The following PCDHGB3 variants were observed in gnomAD, a reference collection of about 807,000 sequenced individuals.
PCDHGB3 encodes protocadherin gamma subfamily B, 3.
A neutral mutation model predicts 59.2 loss-of-function variants in PCDHGB3; 40 were observed. The ratio of observed to expected loss-of-function variants is 0.68; its 90% CI spans 0.52 to 0.88. The LOEUF (loss-of-function observed/expected upper bound fraction) is 0.88. PCDHGB3 is among the 40% of genes least tolerant of loss of function. The pLI, the probability that PCDHGB3 is intolerant of heterozygous loss-of-function variation, is 0.00. For synonymous variants in PCDHGB3, 581 were observed against 503.6 expected, an observed-to-expected ratio of 1.15 and a Z score of -2.06; for missense variants, 1,309 against 1,187.9, an observed-to-expected ratio of 1.10 and a Z score of -1.50.
chr5:141,444,377 G>A (rs1035830834), intron 1 of PCDHGB3, among the ~76,000 whole-genome samples: 3 of 151,802 alleles, frequency 2.0e-5, no homozygotes, highest in Non-Finnish European at 4.4e-5. Context: ...CTCCATGTTG[G>A]TCAGGCTAGT....
At position 141,431,413 on chromosome 5, in the gene PCDHGB3, C is replaced by A; in HGVS notation, c.2415+58604C>A. ...TGGTCCTTACGGCCTCCGACGGGGG[C>A]GACCCGGTGCGCACAGGCACCGCGC... On this transcript the variant is annotated intron_variant, in intron 1 of 3. Transcript: ENST00000576222. This position sits in a 1 kb window ranked among gnomAD's most constrained non-coding sequence, Gnocchi z 4.8. The A allele has an allele frequency of 6.2e-7, 1 of 1,613,682 alleles. No homozygotes were observed. Among genetic ancestry groups the A allele is most frequent in the Non-Finnish European group, 8.5e-7 (1 of 1,180,044 alleles).
At chr5:141,415,352 C>T in intron 1 of PCDHGB3, 1 of 1,614,228 alleles carries the variant, frequency 6.2e-7, no homozygotes, top group Non-Finnish European at 8.5e-7. Context: ...TGGCACAAGT[C>T]ACGCCTGCTG....
At chr5:141,478,838 T>C (rs1439577444) in intron 1 of PCDHGB3, 1 of 1,426,484 alleles carries the variant, frequency 7.0e-7, no homozygotes, top group Non-Finnish European at 9.2e-7. Flanking sequence ...TAAGGGATGG[T>C]TAAGCTAAAA....
In PCDHGB3 at chr5:141,385,618, A is replaced by C. The variant is rs1174442072; in HGVS notation, c.2415+12809A>C. 7.5e-6 allele frequency: 8 copies of C among 1,062,366 alleles called. No individual in the cohort carries two copies. The East Asian group carries it at 3.6e-4, about 48-fold the overall frequency. The allele number at this position is 1,062,366 out of a possible 1,614,324, so 65.8% of individuals were successfully genotyped here. A position where few individuals can be genotyped will look rare whatever the true frequency, so the allele number is the denominator to read the frequency against. On this transcript the variant is annotated intron_variant, in intron 1 of 3. Coordinates refer to ENST00000576222, the MANE Select transcript of PCDHGB3 (RefSeq NM_018924.5). ...CTTTCTTAACTCATATATTTTATAC[A>C]TTGGAATGAATCGAGTCTTTCATAT...
At chr5:141,422,229 G>C in intron 1 of PCDHGB3, 4 of 1,565,880 alleles carry the variant, frequency 2.6e-6, no homozygotes, top group Non-Finnish European at 3.4e-6. Flanking sequence ...CCACGACGAT[G>C]TTGATCACTG....
At chr5:141,443,137 A>G (rs1202995621) in intron 1 of PCDHGB3, among the ~76,000 whole-genome samples, 1 of 152,174 alleles carries the variant, frequency 6.6e-6, no homozygotes, top group Non-Finnish European at 1.5e-5. Flanking sequence ...GAACACTATC[A>G]TAAGTTATAC....
chr5:141,383,346 G>A, intron 1 of PCDHGB3: 3 of 1,614,018 alleles, frequency 1.9e-6, no homozygotes, highest in Non-Finnish European at 2.5e-6. Context: ...CAGCTCCTGG[G>A]GTTCGGTTTC....
intron 1 of PCDHGB3, chr5:141,426,765 G>A (rs1343961009): frequency 1.8e-5 from 8 of 456,530 alleles, no homozygotes; most frequent in Non-Finnish European, 3.5e-5. Flanking sequence ...AGATGCAGAT[G>A]TAGGGCCTCA....
intron 1 of PCDHGB3, chr5:141,379,270 GATTT>G (rs1013953164): frequency 5.3e-5 from 8 of 152,170 alleles, no homozygotes; most frequent in African/African-American, 7.2e-5. Context: ...AATTGTTATA[GATTT>G]ATTTATTTCA....
intron 1 of PCDHGB3, chr5:141,421,393 G>A: frequency 6.2e-7 from 1 of 1,614,038 alleles, no homozygotes; most frequent in Non-Finnish European, 8.5e-7. Flanking sequence ...CCTGGGGCTG[G>A]AGCCCCGGGA....
At chr5:141,405,020 A>G in intron 1 of PCDHGB3, 1 of 1,613,342 alleles carries the variant, frequency 6.2e-7, no homozygotes, top group Non-Finnish European at 8.5e-7. Context: ...CTCAGACCTT[A>G]CCCTCTACCT....
chr5:141,377,221 G>GT (rs1773788570), intron 1 of PCDHGB3: 1 of 152,014 alleles, frequency 6.6e-6, no homozygotes, highest in South Asian at 2.1e-4. Context: ...CGTTTCTTAG[G>GT]TTTTTTCCTA....
intron 1 of PCDHGB3, chr5:141,396,605 G>A (rs2093403616): frequency 6.6e-6 from 1 of 151,594 alleles, no homozygotes; most frequent in Non-Finnish European, 1.5e-5. Flanking sequence ...GGGCAACAGG[G>A]TGAGACTCCG....
At chr5:141,500,782 T>G (rs2099802612) in intron 2 of PCDHGB3, among the ~76,000 whole-genome samples, 2 of 152,222 alleles carry the variant, frequency 1.3e-5, no homozygotes, top group Admixed American at 1.3e-4. Context: ...ATATACATAT[T>G]ATTTTACAGA....
At chr5:141,383,303 C>T (rs1445366017) in intron 1 of PCDHGB3, 4 of 1,613,892 alleles carry the variant, frequency 2.5e-6, no homozygotes. Flanking sequence ...AGATTCTTGA[C>T]GGAAGAAATA....
At chr5:141,453,780 C>T (rs1330142662) in intron 1 of PCDHGB3, among the ~76,000 whole-genome samples, 3 of 152,090 alleles carry the variant, frequency 2.0e-5, no homozygotes, top group African/African-American at 4.8e-5. Flanking sequence ...TTTTAGTTAC[C>T]ATGGTATATT....
At chr5:141,423,617 A>T (rs1426014397) in intron 1 of PCDHGB3, 3 of 1,608,486 alleles carry the variant, frequency 1.9e-6, no homozygotes, top group Admixed American at 1.7e-5. Flanking sequence ...ATAGCTGAAG[A>T]CTCAGCTATC....
intron 1 of PCDHGB3, chr5:141,416,811 A>C (rs1355425793): frequency 2.6e-5 from 4 of 152,188 alleles, no homozygotes; most frequent in Non-Finnish European, 5.9e-5. Context: ...AAAGTCAAAA[A>C]GCATTCCGAA....
chr5:141,375,065 C>A, intron 1 of PCDHGB3: 1 of 1,613,932 alleles, frequency 6.2e-7, no homozygotes, highest in Non-Finnish European at 8.5e-7. Flanking sequence ...GCCAGGTCTT[C>A]GAGACAGAGC....
Sources: allele counts gnomAD v4.1 joint callset (sites outside exome capture counted in the v4.1 genomes callset), GRCh38; gene constraint gnomAD v4.1.1; non-coding constraint Gnocchi (gnomAD v3.1); transcripts MANE v1.5; gene names NCBI Gene and HGNC (gene_info 2026-07-23, HGNC 2026-07-21).